Variants in KCNG3 observed in about 807,000 individuals in gnomAD.
KCNG3 encodes the protein voltage-gated potassium channel regulatory subunit KCNG3.
Under a neutral mutation model 29.0 loss-of-function variants are expected in KCNG3, and 15 were observed. The observed-to-expected ratio is 0.52, with a 90% confidence interval of 0.35 to 0.80. The LOEUF (loss-of-function observed/expected upper bound fraction) is 0.80, where lower values mean the gene tolerates loss of function less well. Among genes scored for constraint, KCNG3 ranks in the 30% least tolerant of loss-of-function variants. The pLI is 0.01. For missense variants in KCNG3, 512 were observed against 605.7 expected (o/e 0.85, Z 1.62); for synonymous variants, 322 against 248.9 (o/e 1.29, Z -2.76).
intron 1 of KCNG3, among the ~76,000 whole-genome samples, chr2:42,484,134 C>A (rs1465592309): frequency 6.6e-6 from 1 of 152,240 alleles, no homozygotes; most frequent in Admixed American, 6.5e-5. Flanking sequence ...AATTGCTGAA[C>A]AAGATCATAG....
chr2:42,474,626 T>C (rs1046603239), intron 1 of KCNG3, among the ~76,000 whole-genome samples: 1 of 152,208 alleles, frequency 6.6e-6, no homozygotes, highest in Non-Finnish European at 1.5e-5. Flanking sequence ...TACTAATCTT[T>C]AACAGAAAAT....
rs375922580 is a variant in KCNG3, at chr2:42,444,594, A to G, written c.666-15T>C. The G allele has an allele frequency of 1.5e-5, 23 of 1,583,210 alleles. No homozygotes were observed. Among genetic ancestry groups the G allele is most frequent in the Non-Finnish European group, 1.8e-5 (21 of 1,165,028 alleles). On this transcript the variant is annotated splice_polypyrimidine_tract_variant and intron_variant, in intron 1 of 1. Coordinates refer to ENST00000306078, the MANE Select transcript of KCNG3 (RefSeq NM_133329.6). The surrounding 1 kb of genome is among the most constrained non-coding windows in gnomAD (Gnocchi z 5.8). ...CTTCAATTATCCTGTCAAGAGAACAAAAGAAGAATTGATCATTTTATTTTT... is the reference window on the plus strand; with the variant it reads ...CTTCAATTATCCTGTCAAGAGAACAGAAGAAGAATTGATCATTTTATTTTT...
chr2:42,420,195 G>A, the KCNG3 span, among the ~76,000 whole-genome samples: 6 of 152,108 alleles, frequency 3.9e-5, no homozygotes, highest in African/African-American at 1.4e-4. Context: ...TTGAACTCCA[G>A]TCTGGGTGAC....
intron 1 of KCNG3, among the ~76,000 whole-genome samples, chr2:42,446,483 A>G (rs774931461): frequency 1.3e-3 from 193 of 152,154 alleles, no homozygotes; most frequent in Non-Finnish European, 2.5e-3. Context: ...CCAGCCCAAA[A>G]TTTTTAACAT....
At chr2:42,389,613 T>A in the KCNG3 span, among the ~76,000 whole-genome samples, 40 of 152,262 alleles carry the variant, frequency 2.6e-4, no homozygotes, top group Non-Finnish European at 4.9e-4. Flanking sequence ...AATTATAGCA[T>A]GAGGAGTTTC....
At chr2:42,490,192 T>C (rs1572869502) in intron 1 of KCNG3, among the ~76,000 whole-genome samples, 1 of 152,322 alleles carries the variant, frequency 6.6e-6, no homozygotes, top group Middle Eastern at 3.4e-3. Flanking sequence ...TTGCCCACGA[T>C]GTTCCTTTTA....
At chr2:42,482,387 T>C (rs1673609628) in intron 1 of KCNG3, among the ~76,000 whole-genome samples, 1 of 151,812 alleles carries the variant, frequency 6.6e-6, no homozygotes. Flanking sequence ...AAGACCAGAA[T>C]GGAAACACAG....
chr2:42,453,679 C>T (rs7579782), intron 1 of KCNG3, among the ~76,000 whole-genome samples: 32,517 of 151,940 alleles, frequency 0.21, 4,135 homozygotes, highest in East Asian at 0.57. Context: ...TTTGTTGATT[C>T]TTTCCTTTGC....
At chr2:42,472,751 C>CG (rs1352056515) in intron 1 of KCNG3, among the ~76,000 whole-genome samples, 3 of 151,656 alleles carry the variant, frequency 2.0e-5, no homozygotes, top group Non-Finnish European at 4.4e-5. Flanking sequence ...ATACCCGCCT[C>CG]GGCCTCCCAA....
chr2:42,472,260 G>C (rs1471556396), intron 1 of KCNG3, among the ~76,000 whole-genome samples: 1 of 152,150 alleles, frequency 6.6e-6, no homozygotes, highest in African/African-American at 2.4e-5. Flanking sequence ...TAAAATGCAA[G>C]GGCTACAGCC....
At chr2:42,446,356 T>C (rs573038500) in intron 1 of KCNG3, among the ~76,000 whole-genome samples, 23 of 151,850 alleles carry the variant, frequency 1.5e-4, no homozygotes, top group African/African-American at 5.3e-4. Flanking sequence ...TTTTTATATT[T>C]TGAGTAGAGA....
chr2:42,490,230 C>T (rs566732435), intron 1 of KCNG3, among the ~76,000 whole-genome samples: 1 of 152,094 alleles, frequency 6.6e-6, no homozygotes, highest in African/African-American at 2.4e-5. Context: ...TATTTTGTTC[C>T]CAGGCAGGGC....
chr2:42,493,870 G>A lies in KCNG3; in HGVS notation c.-369C>T, dbSNP rs975349466. On this transcript the variant is annotated 5_prime_UTR_variant, in exon 1 of 2. Coordinates refer to ENST00000306078, the MANE Select transcript of KCNG3 (RefSeq NM_133329.6). ...AAGCCGCGGGGCCGACCCCCTGAGG[G>A]CTGCGGGCGCCGAATGGAGCCGCCG... The A allele has an allele frequency of 9.8e-5, 18 of 184,054 alleles. No individual in the cohort carries two copies. The highest frequency in any genetic ancestry group is 1.7e-4 in the Non-Finnish European group (15 of 89,262). 11.4% of individuals were successfully genotyped at this position (184,054 alleles called of 1,614,324 possible).
At chr2:42,448,929 G>T (rs1233201787) in intron 1 of KCNG3, among the ~76,000 whole-genome samples, 1 of 151,940 alleles carries the variant, frequency 6.6e-6, no homozygotes, top group Non-Finnish European at 1.5e-5. Context: ...AGTGAGCTGA[G>T]ATCGCGCCAC....
the KCNG3 span, among the ~76,000 whole-genome samples, chr2:42,423,912 C>T: frequency 6.6e-6 from 1 of 151,822 alleles, no homozygotes; most frequent in African/African-American, 2.4e-5. Context: ...GTGGATTATA[C>T]TATTTTGATA....
At chr2:42,457,620 G>A (rs1366461749) in intron 1 of KCNG3, among the ~76,000 whole-genome samples, 1 of 78,790 alleles carries the variant, frequency 1.3e-5, no homozygotes, top group Non-Finnish European at 2.7e-5. Context: ...GCCGAGGCAG[G>A]CAGATCTCAC....
chr2:42,400,413 C>A, the KCNG3 span, among the ~76,000 whole-genome samples: 64 of 152,288 alleles, frequency 4.2e-4, no homozygotes, highest in East Asian at 0.01. Flanking sequence ...GAGGACTTTT[C>A]TATCCCATTT....
At chr2:42,436,052 T>TA in the KCNG3 span, among the ~76,000 whole-genome samples, 1 of 152,084 alleles carries the variant, frequency 6.6e-6, no homozygotes, top group Admixed American at 6.6e-5. Context: ...TATTCAGTCG[T>TA]AAAAAGGAAT....
intron 1 of KCNG3, among the ~76,000 whole-genome samples, chr2:42,478,210 C>G (rs1258913467): frequency 6.6e-6 from 1 of 152,104 alleles, no homozygotes; most frequent in Non-Finnish European, 1.5e-5. Flanking sequence ...TAAATTACAT[C>G]TATCTATATT....
Sources: gnomAD v4.1 joint callset for allele counts (sites outside exome capture counted in the v4.1 genomes callset) on GRCh38, gnomAD v4.1.1 for gene constraint, Gnocchi (gnomAD v3.1) non-coding constraint, MANE v1.5 for transcripts, NCBI Gene and HGNC (gene_info 2026-07-23, HGNC 2026-07-21) for gene names.